The following FLT3 variants were observed in gnomAD, a reference collection of about 807,000 sequenced individuals.
FLT3 encodes receptor-type tyrosine-protein kinase FLT3.
In FLT3, 46 loss-of-function variants were observed where a neutral mutation model predicts 126.6. That is an observed-to-expected ratio of 0.36 (90% CI 0.29 to 0.46). The LOEUF (loss-of-function observed/expected upper bound fraction) is 0.46, where lower values mean the gene tolerates loss of function less well. Ranked by LOEUF, FLT3 falls within the 20% of genes least tolerant of loss-of-function variation. The pLI, the probability that FLT3 is intolerant of heterozygous loss-of-function variation, is 1.00. For synonymous variants in FLT3, 404 were observed against 434.4 expected (o/e 0.93, Z 0.87); for missense variants, 1,069 against 1,190.3 (o/e 0.90, Z 1.50).
intron 1 of FLT3, among the ~76,000 whole-genome samples, chr13:28,093,173 AC>A (rs898058320): frequency 6.7e-6 from 1 of 149,926 alleles, no homozygotes; most frequent in African/African-American, 2.5e-5. Flanking sequence ...TGATCCACTC[AC>A]CTTGGCCTCC....
rs1011019948 is a variant in FLT3, at chr13:28,035,760, T to C, written c.1419-87A>G. 4.4e-6 allele frequency: 6 copies of C among 1,378,606 alleles called. No homozygotes were observed. The Admixed American group carries it at 1.0e-4, about 23-fold the overall frequency. 85.4% of individuals were successfully genotyped at this position (1,378,606 alleles called of 1,614,324 possible). Reference sequence around the variant, plus strand: ...TTTCTGCAGCGAGTTCTAAAAGAGATTCATCCAGTATAAGTTATCAGAAAC... The same window carrying C: ...TTTCTGCAGCGAGTTCTAAAAGAGACTCATCCAGTATAAGTTATCAGAAAC... On this transcript the variant is annotated intron_variant, in intron 11 of 23. Transcript: ENST00000241453.
intron 19 of FLT3, among the ~76,000 whole-genome samples, chr13:28,020,509 G>A (rs1206350987): frequency 6.6e-6 from 1 of 152,036 alleles, no homozygotes; most frequent in East Asian, 1.9e-4. Context: ...CACCGTGCCT[G>A]GCTGTTTTTC....
At chr13:28,019,082 C>T (rs1011959652) in intron 19 of FLT3, among the ~76,000 whole-genome samples, 3 of 151,956 alleles carry the variant, frequency 2.0e-5, no homozygotes, top group Admixed American at 6.6e-5. Context: ...ATTCTCCTGC[C>T]TCAGCCTCCC....
chr13:28,026,582 C>T (rs1193186947), intron 17 of FLT3, among the ~76,000 whole-genome samples: 1 of 117,790 alleles, frequency 8.5e-6, no homozygotes, highest in African/African-American at 2.5e-5. Flanking sequence ...CCCATGGATG[C>T]GGAGGATAAA....
At chr13:28,008,001 T>C (rs1484239816) in intron 23 of FLT3, among the ~76,000 whole-genome samples, 2 of 152,228 alleles carry the variant, frequency 1.3e-5, no homozygotes, top group African/African-American at 2.4e-5. Context: ...CCTCTCTCTC[T>C]CCACCTTCTT....
chr13:28,052,559 A>G lies in FLT3; in HGVS notation c.600T>C (p.Asp200=). The G allele has an allele frequency of 6.2e-7, 1 of 1,613,064 alleles. No homozygotes were observed. The highest frequency in any genetic ancestry group is 8.5e-7 in the Non-Finnish European group (1 of 1,179,496). Residue 200 remains aspartate (D), a synonymous_variant, in exon 5 of 24, where the codon GAT becomes GAC. Transcript: ENST00000241453. ...ATGTGTCATACCTTTCCCCCTGTGA[A>G]TCGCAAAGCACCCATTCCACGATCG... ...PEPIVEWVLC[D]SQGESCKEES... is the part of the protein sequence containing the mutation.
chr13:28,020,081 T>C (rs1872246714), intron 19 of FLT3, among the ~76,000 whole-genome samples: 1 of 152,186 alleles, frequency 6.6e-6, no homozygotes, highest in Non-Finnish European at 1.5e-5. Context: ...ACATTCAGTA[T>C]GTCCAACTCA....
At chr13:28,089,738 C>CG (rs368606585) in intron 1 of FLT3, among the ~76,000 whole-genome samples, 1 of 143,942 alleles carries the variant, frequency 6.9e-6, no homozygotes, top group Non-Finnish European at 1.5e-5. Flanking sequence ...CATGAGGGAA[C>CG]TTTTTTTTTT....
intron 1 of FLT3, among the ~76,000 whole-genome samples, chr13:28,085,214 C>T (rs1261505165): frequency 1.4e-5 from 2 of 147,910 alleles, no homozygotes; most frequent in African/African-American, 5.0e-5. Context: ...CCTGGTGGCG[C>T]ACGCCTATAG....
chr13:28,091,374 AC>A (rs1393016039), intron 1 of FLT3, among the ~76,000 whole-genome samples: 1 of 148,208 alleles, frequency 6.7e-6, no homozygotes, highest in Non-Finnish European at 1.5e-5. Flanking sequence ...GGCGCCCGCC[AC>A]CACGCCCGGC....
rs116783104 is a variant in FLT3, at chr13:28,078,378, G to C, written c.44-7766C>G. On this transcript the variant is annotated intron_variant, in intron 1 of 23. Coordinates refer to ENST00000241453, the MANE Select transcript of FLT3 (RefSeq NM_004119.3). ...CTTGACTTCTGTGCACCCGCATGCT[G>C]AACACCACGTGGAAGCTGCCAAGGC... Among the ~76,000 whole-genome samples, 615 of 152,310 alleles carry C rather than the reference G, an allele frequency of 4.0e-3. 3 individuals carry two copies. Among genetic ancestry groups the C allele is most frequent in the African/African-American group, 0.014 (589 of 41,560 alleles).
chr13:28,065,392 A>G (rs999455257), intron 2 of FLT3, among the ~76,000 whole-genome samples: 1 of 152,190 alleles, frequency 6.6e-6, no homozygotes, highest in African/African-American at 2.4e-5. Context: ...CTGTAATCCC[A>G]GGACTTTGTG....
intron 1 of FLT3, among the ~76,000 whole-genome samples, chr13:28,071,144 G>A (rs11840665): frequency 0.17 from 26,142 of 150,620 alleles, 2,335 homozygotes; most frequent in Middle Eastern, 0.26. Context: ...ACAGGTGCCC[G>A]TCACCGTGCC....
chr13:28,098,565 TCTACCAAAC>T (rs1375583602), intron 1 of FLT3, among the ~76,000 whole-genome samples: 1 of 152,184 alleles, frequency 6.6e-6, no homozygotes, highest in African/African-American at 2.4e-5. Context: ...TTTGACGGTA[TCTACCAAAC>T]CTGAACATAT....
chr13:28,019,890 T>C (rs906457164), intron 19 of FLT3, among the ~76,000 whole-genome samples: 10 of 152,166 alleles, frequency 6.6e-5, no homozygotes, highest in Admixed American at 3.9e-4. Flanking sequence ...CTACTCTCAC[T>C]CCTGAGGGCT....
At chr13:28,078,736 T>C (rs182779876) in intron 1 of FLT3, among the ~76,000 whole-genome samples, 2 of 149,432 alleles carry the variant, frequency 1.3e-5, no homozygotes, top group African/African-American at 2.5e-5. Flanking sequence ...TTTTTTGAGA[T>C]GCAGTCTCAC....
chr13:28,082,219 T>C (rs1196157833), intron 1 of FLT3, among the ~76,000 whole-genome samples: 8 of 151,932 alleles, frequency 5.3e-5, no homozygotes, highest in Middle Eastern at 3.4e-3. Context: ...GGCATTATCA[T>C]AGCTCACTCC....
At chr13:28,045,886 T>A (rs1283090478) in intron 9 of FLT3, among the ~76,000 whole-genome samples, 2 of 120,262 alleles carry the variant, frequency 1.7e-5, no homozygotes, top group African/African-American at 3.2e-5. Context: ...TATTTCTGAA[T>A]AACAGCTTAC....
intron 19 of FLT3, among the ~76,000 whole-genome samples, chr13:28,022,213 A>AT (rs1315265581): frequency 6.6e-5 from 10 of 151,508 alleles, no homozygotes; most frequent in Non-Finnish European, 1.0e-4. Context: ...TGAGGCAGTA[A>AT]TTTTTTAAAG....
Sources: gnomAD v4.1 joint callset for allele counts (sites outside exome capture counted in the v4.1 genomes callset) on GRCh38, gnomAD v4.1.1 for gene constraint, MANE v1.5 for transcripts, NCBI Gene and HGNC (gene_info 2026-07-23, HGNC 2026-07-21) for gene names.